The following AFDN variants were observed in gnomAD, a reference collection of about 807,000 sequenced individuals.
The protein encoded by AFDN is afadin.
Under a neutral mutation model 216.6 loss-of-function variants are expected in AFDN, and 68 were observed. The ratio of observed to expected loss-of-function variants is 0.31; its 90% CI spans 0.26 to 0.38. AFDN has a LOEUF of 0.38. Among genes scored for constraint, AFDN ranks in the 10% least tolerant of loss-of-function variants. AFDN has a pLI of 1.00. For synonymous variants in AFDN, 868 were observed against 853.7 expected (o/e 1.02, Z -0.29); for missense variants, 2,136 against 2,342.0 (o/e 0.91, Z 1.82).
At chr6:167,865,621 T>A (rs1012632707) in intron 2 of AFDN, among the ~76,000 whole-genome samples, 2 of 152,166 alleles carry the variant, frequency 1.3e-5, no homozygotes, top group Admixed American at 1.3e-4. Flanking sequence ...TCTAAAAAAA[T>A]TAATAAAATG....
intron 28 of AFDN, 147 bp from the exon 29 acceptor site, chr6:167,948,146 T>C (rs1795545845): frequency 2.5e-6 from 2 of 800,240 alleles, no homozygotes; most frequent in Non-Finnish European, 3.9e-6. Flanking sequence ...CAAAATGAAA[T>C]GTTATTTATT....
At chr6:167,832,334 G>A (rs774323495) in intron 1 of AFDN, among the ~76,000 whole-genome samples, 46 of 152,128 alleles carry the variant, frequency 3.0e-4, no homozygotes, top group African/African-American at 1.0e-3. Context: ...AGGAGTGTGC[G>A]TGTTCTAAGA....
intron 4 of AFDN, among the ~76,000 whole-genome samples, chr6:167,872,974 T>C (rs1290684253): frequency 6.6e-6 from 1 of 152,182 alleles, no homozygotes; most frequent in African/African-American, 2.4e-5. Context: ...TGGGAGAAAC[T>C]AGACTTTCCC....
intron 30 of AFDN, among the ~76,000 whole-genome samples, chr6:167,958,982 A>C (rs1184311417): frequency 6.6e-6 from 1 of 152,236 alleles, no homozygotes; most frequent in East Asian, 1.9e-4. Flanking sequence ...TCTCAGTTTT[A>C]CTCAAGGAAT....
chr6:167,960,969 G>T (rs1298034322), intron 30 of AFDN, among the ~76,000 whole-genome samples: 2 of 151,880 alleles, frequency 1.3e-5, no homozygotes, highest in African/African-American at 4.8e-5. Context: ...ATTGTTTATT[G>T]ACATGAAAAA....
At chr6:167,904,302 A>G (rs1038472581) in intron 12 of AFDN, among the ~76,000 whole-genome samples, 1 of 151,410 alleles carries the variant, frequency 6.6e-6, no homozygotes, top group African/African-American at 2.4e-5. Context: ...ACTGCCTCCC[A>G]GGTTCAAGTC....
At chr6:167,948,212 A>G in intron 28 of AFDN, 81 bp from the exon 29 acceptor site, 1 of 1,257,316 alleles carries the variant, frequency 8.0e-7, no homozygotes, top group Non-Finnish European at 1.1e-6. Context: ...TATTTTTTAA[A>G]TTTTAAAACA....
At chr6:167,958,910 T>C (rs977466414) in intron 30 of AFDN, among the ~76,000 whole-genome samples, 2 of 152,216 alleles carry the variant, frequency 1.3e-5, no homozygotes, top group African/African-American at 4.8e-5. Flanking sequence ...GCCTCTAGAA[T>C]GAAAATGGGC....
At chr6:167,888,370 A>G (rs965919268) in intron 6 of AFDN, among the ~76,000 whole-genome samples, 2 of 152,228 alleles carry the variant, frequency 1.3e-5, no homozygotes, top group African/African-American at 4.8e-5. Flanking sequence ...ACATCATTAC[A>G]TTAATTACAG....
intron 20 of AFDN, among the ~76,000 whole-genome samples, chr6:167,918,478 G>A (rs1171606164): frequency 6.6e-6 from 1 of 152,044 alleles, no homozygotes; most frequent in Non-Finnish European, 1.5e-5. Flanking sequence ...AAAGCTACAC[G>A]TTACTTAAAA....
intron 30 of AFDN, among the ~76,000 whole-genome samples, chr6:167,961,931 G>T (rs548870064): frequency 1.8e-4 from 27 of 152,282 alleles, no homozygotes; most frequent in African/African-American, 6.5e-4. Flanking sequence ...CGACTGCCCG[G>T]CCCACTGGAG....
chr6:167,949,338 T>C lies in AFDN; in HGVS notation c.3831+860T>C, dbSNP rs114351817. Among the ~76,000 whole-genome samples, 580 of 151,948 alleles carry C rather than the reference T, an allele frequency of 3.8e-3. 2 individuals are homozygous for C. The highest frequency in any genetic ancestry group is 0.013 in the African/African-American group (545 of 41,436). The stretch of plus-strand genomic sequence containing the variant: ...TGGTTGGAAAAGACAGAATTCAGAG[T>C]TGAGATGGAATTTGAGCTGAGCCTT... On this transcript the variant is annotated intron_variant, in intron 29 of 33. Coordinates refer to ENST00000683244, the MANE Select transcript of AFDN (RefSeq NM_001386888.1).
intron 20 of AFDN, among the ~76,000 whole-genome samples, chr6:167,917,737 T>G (rs1791272884): frequency 6.6e-6 from 1 of 152,214 alleles, no homozygotes; most frequent in Admixed American, 6.5e-5. Flanking sequence ...ATGAGAATTA[T>G]GTATGTGGAT....
chr6:167,969,399 TA>T (rs1797863561), intron 33 of AFDN, among the ~76,000 whole-genome samples: 2 of 152,226 alleles, frequency 1.3e-5, no homozygotes. Context: ...AGTACTATTC[TA>T]TAACTTATTA....
At chr6:167,952,770 T>G (rs542582435) in intron 30 of AFDN, among the ~76,000 whole-genome samples, 1 of 152,350 alleles carries the variant, frequency 6.6e-6, no homozygotes, top group Admixed American at 6.5e-5. Flanking sequence ...ATCATTACAT[T>G]TACAGTCATT....
chr6:167,869,489 A>G (rs2128243841), intron 2 of AFDN, among the ~76,000 whole-genome samples: 1 of 152,348 alleles, frequency 6.6e-6, no homozygotes, highest in South Asian at 2.1e-4. Flanking sequence ...AGCAGAGTGA[A>G]TGGATTTCTC....
At chr6:167,879,461 T>A (rs1018553033) in intron 5 of AFDN, among the ~76,000 whole-genome samples, 5 of 152,070 alleles carry the variant, frequency 3.3e-5, no homozygotes, top group African/African-American at 7.2e-5. Flanking sequence ...GTGAGAAAAT[T>A]GAGAGTTAAA....
rs773056414 is a variant in AFDN, at chr6:167,872,396, T to C, written c.578+19T>C. ...AGGATGTGTAAGTCAGTTTTGGAAA[T>C]GTTCCCCTTTCTTTGTGCTCCAAAT... On this transcript the variant is annotated intron_variant, in intron 4 of 33. Transcript: ENST00000683244. 1 of 1,591,528 alleles carries C rather than the reference T, an allele frequency of 6.3e-7. No homozygotes were observed. Among genetic ancestry groups the C allele is most frequent in the South Asian group, 1.2e-5 (1 of 85,832 alleles).
intron 23 of AFDN, among the ~76,000 whole-genome samples, chr6:167,938,238 A>G (rs924742792): frequency 6.6e-6 from 1 of 152,210 alleles, no homozygotes; most frequent in Non-Finnish European, 1.5e-5. Context: ...GAGAACATCA[A>G]CCAAGTCATG....
Sources: gnomAD v4.1 joint callset for allele counts (sites outside exome capture counted in the v4.1 genomes callset) on GRCh38, gnomAD v4.1.1 for gene constraint, MANE v1.5 for transcripts, NCBI Gene and HGNC (gene_info 2026-07-23, HGNC 2026-07-21) for gene names.